The following ALG6 variants were observed in gnomAD, a reference collection of about 807,000 sequenced individuals.
ALG6 encodes the protein ALG6 alpha-1,3-glucosyltransferase.
In ALG6, 46 loss-of-function variants were observed where a neutral mutation model predicts 66.6. The observed-to-expected ratio is 0.69, with a 90% CI of 0.55 to 0.88. The LOEUF (loss-of-function observed/expected upper bound fraction) is 0.88, where lower values mean the gene tolerates loss of function less well. Ranked by LOEUF, ALG6 falls within the 40% of genes least tolerant of loss-of-function variation. The pLI, the probability that ALG6 is intolerant of heterozygous loss-of-function variation, is 0.00. For missense variants in ALG6, 505 were observed against 586.8 expected (o/e 0.86, Z 1.44); for synonymous variants, 185 against 203.7 (o/e 0.91, Z 0.78).
chr1:63,376,013 G>T (rs549762184), intron 2 of ALG6, among the ~76,000 whole-genome samples: 14 of 151,084 alleles, frequency 9.3e-5, no homozygotes, highest in African/African-American at 3.5e-4. Context: ...CTTATTAGGG[G>T]TTTATTAATT....
At chr1:63,415,980 TA>T (rs756442172) in intron 11 of ALG6, 23 bp downstream of exon 11, 1 of 1,480,412 alleles carries the variant, frequency 6.8e-7, no homozygotes, top group South Asian at 1.1e-5. Flanking sequence ...TTACTTTAGA[TA>T]CTTAATTCTT....
At chr1:63,417,646 G>A (rs1466422498) in intron 11 of ALG6, among the ~76,000 whole-genome samples, 1 of 152,120 alleles carries the variant, frequency 6.6e-6, no homozygotes, top group Admixed American at 6.6e-5. Flanking sequence ...GCAGCAAAAG[G>A]ATTTATATTT....
Position 63,400,256 on chromosome 1 carries a change from TATATATATATAC to T in ALG6, c.168-1997_168-1986del, listed in dbSNP as rs1366198756. Among the ~76,000 whole-genome samples the T allele has an allele frequency of 2.9e-3, 9 of 3,086 alleles. 3 individuals are homozygous for T. The highest frequency in any genetic ancestry group is 0.017 in the African/African-American group (9 of 538). The allele number at this position is 3,086 out of a possible 152,430, so 2.0% of individuals were successfully genotyped here. The stretch of plus-strand genomic sequence containing the variant: ...ATATATATATATACGTATATATATG[TATATATATATAC>T]GTATATATATATACGTATATATATA... On this transcript the variant is annotated intron_variant, in intron 3 of 14. Transcript: ENST00000263440.
Position 63,379,515 on chromosome 1 carries a change from A to C in ALG6, c.82+8456A>C, listed in dbSNP as rs561651556. 3.9e-5 allele frequency among the ~76,000 whole-genome samples: 6 copies of C among 152,198 alleles called. No homozygotes were observed. The East Asian group carries it at 1.2e-3, about 29-fold the overall frequency. ...TCTGACCTTGAATTCCTACCTGTTC[A>C]GGTCCCAGGCTTTGCCTCCTTACTG... On this transcript the variant is annotated intron_variant, in intron 2 of 14. Coordinates refer to ENST00000263440, the MANE Select transcript of ALG6 (RefSeq NM_013339.4).
chr1:63,401,460 G>T (rs1557588271), intron 3 of ALG6, among the ~76,000 whole-genome samples: 1 of 152,054 alleles, frequency 6.6e-6, no homozygotes, highest in Non-Finnish European at 1.5e-5. Flanking sequence ...GAGGTCAGGA[G>T]TTCAAGACCA....
chr1:63,398,598 G>T (rs897667808), intron 3 of ALG6, among the ~76,000 whole-genome samples: 5 of 151,858 alleles, frequency 3.3e-5, no homozygotes, highest in Non-Finnish European at 4.4e-5. Context: ...TTAGCTTCCC[G>T]AGTAGCTGGG....
At chr1:63,377,927 C>T (rs1337564345) in intron 2 of ALG6, among the ~76,000 whole-genome samples, 1 of 152,040 alleles carries the variant, frequency 6.6e-6, no homozygotes, top group Non-Finnish European at 1.5e-5. Context: ...TTTTAGTAGA[C>T]ATAAGGTCCT....
At position 63,386,787 on chromosome 1, in the gene ALG6, C is replaced by T. The variant is rs547810016; in HGVS notation, c.83-9726C>T. Among the ~76,000 whole-genome samples the T allele has an allele frequency of 7.6e-4, 115 of 151,826 alleles. 1 individual carries two copies. The highest frequency in any genetic ancestry group is 2.2e-3 in the Admixed American group (33 of 15,252). Reference sequence around the variant, plus strand: ...TTTTGTTTTGTTGATCTTTCAACTTCGTTTATTTCTGCTCTGATCTTTACT... The same window carrying T: ...TTTTGTTTTGTTGATCTTTCAACTTTGTTTATTTCTGCTCTGATCTTTACT... On this transcript the variant is annotated intron_variant, in intron 2 of 14. Transcript: ENST00000263440.
intron 2 of ALG6, among the ~76,000 whole-genome samples, chr1:63,391,810 T>C (rs967318618): frequency 6.6e-6 from 1 of 152,250 alleles, no homozygotes; most frequent in African/African-American, 2.4e-5. Flanking sequence ...TTATATACAT[T>C]AATTTTCAGA....
rs568504422 is a variant in ALG6 at position 63,397,850 on chromosome 1, A to G, written c.167+1253A>G. 2.0e-5 allele frequency among the ~76,000 whole-genome samples: 3 copies of G among 152,346 alleles called. No individual in the cohort carries two copies. In the East Asian group the frequency reaches 5.8e-4, roughly 29 times the overall value. The stretch of plus-strand genomic sequence containing the variant: ...TCTCAACCACAGTTTTATTACTTAT[A>G]GAATGAAAATAGTAGACTACATATT... On this transcript the variant is annotated intron_variant, in intron 3 of 14. Coordinates refer to ENST00000263440, the MANE Select transcript of ALG6 (RefSeq NM_013339.4).
chr1:63,422,280 A>AATATATATATTT (rs1644585841), intron 12 of ALG6, among the ~76,000 whole-genome samples: 1 of 76,020 alleles, frequency 1.3e-5, no homozygotes, highest in African/African-American at 6.1e-5. Flanking sequence ...TATATATATA[A>AATATATATATTT]ATATATATAT....
intron 3 of ALG6, among the ~76,000 whole-genome samples, chr1:63,401,210 T>A (rs1644463526): frequency 6.6e-6 from 1 of 152,108 alleles, no homozygotes; most frequent in Admixed American, 6.6e-5. Context: ...TTAATCCCCA[T>A]CTCTTCCATA....
chr1:63,388,270 G>C (rs911766755), intron 2 of ALG6, among the ~76,000 whole-genome samples: 6 of 151,478 alleles, frequency 4.0e-5, no homozygotes, highest in African/African-American at 1.5e-4. Flanking sequence ...GACTCAGGTT[G>C]TCCTTTCACC....
chr1:63,385,890 T>G (rs1648489175), intron 2 of ALG6, among the ~76,000 whole-genome samples: 1 of 152,244 alleles, frequency 6.6e-6, no homozygotes, highest in Non-Finnish European at 1.5e-5. Flanking sequence ...ATTCTTTTGT[T>G]CCAAATCTTA....
At position 63,428,464 on chromosome 1, in the gene ALG6, G is replaced by A. The variant is rs902117601; in HGVS notation, c.1059-269G>A. 5 of 294,722 alleles carry A rather than the reference G, an allele frequency of 1.7e-5. No individual in the cohort carries two copies. In the East Asian group the frequency reaches 3.3e-4, roughly 19 times the overall value. The allele number at this position is 294,722 out of a possible 1,614,324, so 18.3% of individuals were successfully genotyped here. Reference sequence around the variant, plus strand: ...GATCCTTTTCTTAAGCTACTTGTTTGTATGATAGAGAAAAAAAGTTCCATT... The same window carrying A: ...GATCCTTTTCTTAAGCTACTTGTTTATATGATAGAGAAAAAAAGTTCCATT... On this transcript the variant is annotated intron_variant, in intron 12 of 14. Coordinates refer to ENST00000263440, the MANE Select transcript of ALG6 (RefSeq NM_013339.4).
chr1:63,422,274 T>TATTTATATAG (rs1553156456), intron 12 of ALG6, among the ~76,000 whole-genome samples: 1 of 39,490 alleles, frequency 2.5e-5, no homozygotes, highest in Non-Finnish European at 4.0e-5. Context: ...TATAAATATA[T>TATTTATATAG]ATATAAATAT....
At chr1:63,391,023 G>C (rs1358065550) in intron 2 of ALG6, among the ~76,000 whole-genome samples, 1 of 152,122 alleles carries the variant, frequency 6.6e-6, no homozygotes, top group Non-Finnish European at 1.5e-5. Context: ...TGTTGAATTT[G>C]GTGTTCCTGC....
rs1177408648 is a variant in ALG6, at chr1:63,422,285, A to G, written c.1058+2845A>G. On this transcript the variant is annotated intron_variant, in intron 12 of 14. Coordinates refer to ENST00000263440, the MANE Select transcript of ALG6 (RefSeq NM_013339.4). The stretch of plus-strand genomic sequence containing the variant: ...TAGATATAAATATATATATAAATAT[A>G]TATATTTATATAGATATAAATATAT... 1.6e-4 allele frequency among the ~76,000 whole-genome samples: 14 copies of G among 87,660 alleles called. No individual in the cohort carries two copies. The East Asian group carries it at 2.5e-3, about 16-fold the overall frequency. The allele number at this position is 87,660 out of a possible 152,430, so 57.5% of individuals were successfully genotyped here.
chr1:63,378,812 T>A (rs1011737855), intron 2 of ALG6, among the ~76,000 whole-genome samples: 1 of 152,040 alleles, frequency 6.6e-6, no homozygotes, highest in Admixed American at 6.6e-5. Context: ...TCCTTTATAA[T>A]CATCAAATTT....
Sources: gnomAD v4.1 joint callset for allele counts (sites outside exome capture counted in the v4.1 genomes callset) on GRCh38, gnomAD v4.1.1 for gene constraint, MANE v1.5 for transcripts, NCBI Gene and HGNC (gene_info 2026-07-23, HGNC 2026-07-21) for gene names.